The following SLC12A4 variants were observed in gnomAD, a reference collection of about 807,000 sequenced individuals.
The protein encoded by SLC12A4 is electroneutral potassium-chloride cotransporter 1.
Under a neutral mutation model 119.2 loss-of-function variants are expected in SLC12A4, and 84 were observed. The ratio of observed to expected loss-of-function variants is 0.70; its 90% CI spans 0.59 to 0.85. SLC12A4 has a LOEUF of 0.85. Among genes scored for constraint, SLC12A4 ranks in the 40% least tolerant of loss-of-function variants. The probability of loss-of-function intolerance (pLI) is 0.00; values close to 1 mark genes in which losing one functional copy is unlikely to be tolerated. For missense variants in SLC12A4, 1,298 were observed against 1,476.3 expected (o/e 0.88, Z 1.98); for synonymous variants, 599 against 604.6 (o/e 0.99, Z 0.14).
At chr16:67,945,630 C>T (rs1025417698) in intron 21 of SLC12A4, 77 bp from the exon 22 acceptor site, 11 of 1,538,340 alleles carry the variant, frequency 7.2e-6, no homozygotes, top group East Asian at 4.5e-5. Flanking sequence ...ATGTGACCAC[C>T]TTGCCTCCGG....
intron 1 of SLC12A4, chr16:67,963,839 G>A (rs967763542): frequency 6.7e-7 from 1 of 1,497,774 alleles, no homozygotes; most frequent in East Asian, 2.5e-5. Flanking sequence ...TGGACACTGA[G>A]GGACGGGGCC....
rs371066254 is a variant in SLC12A4 at position 67,952,161 on chromosome 16, A to G, written c.917+23T>C. ...TGGGAGGGATGTCCATGCAATGCCC[A>G]GATAAATTCCTGGGTTACTTACGGA... On this transcript the variant is annotated intron_variant, in intron 7 of 23. Transcript: ENST00000316341. 1.1e-4 allele frequency: 172 copies of G among 1,613,168 alleles called. 1 individual carries two copies. The highest frequency in any genetic ancestry group is 4.3e-4 in the South Asian group (39 of 91,076).
At chr16:67,958,070 G>T in intron 3 of SLC12A4, 26 bp from the exon 4 acceptor site, 1 of 1,608,454 alleles carries the variant, frequency 6.2e-7, no homozygotes, top group Non-Finnish European at 8.5e-7. Context: ...GGGAGGGGGC[G>T]AGTAGAGCAT....
In SLC12A4 at chr16:67,944,534, G is replaced by A; in HGVS notation, c.*306C>T. ...AAATATGCAATAAATAGCGCTCCTG[G>A]GCTGGGCCGGGCCGGCTGCCTTCAA... On this transcript the variant is annotated 3_prime_UTR_variant, in exon 24 of 24. Transcript: ENST00000316341. The surrounding 1 kb of genome is among the most constrained non-coding windows in gnomAD (Gnocchi z 6.6). The A allele has an allele frequency of 7.8e-7, 1 of 1,287,116 alleles. No homozygotes were observed. Among genetic ancestry groups the A allele is most frequent in the Non-Finnish European group, 9.8e-7 (1 of 1,016,390 alleles). The allele number at this position is 1,287,116 out of a possible 1,614,324, so 79.7% of individuals were successfully genotyped here. A position where few individuals can be genotyped will look rare whatever the true frequency, so the allele number is the denominator to read the frequency against.
chr16:67,966,977 C>T (rs939443037), intron 1 of SLC12A4: 2 of 1,170,834 alleles, frequency 1.7e-6, no homozygotes, highest in African/African-American at 3.2e-5. Flanking sequence ...GCCCACTGGT[C>T]CAGGCTGATC....
At chr16:67,967,806 T>C (rs1379594780) in intron 1 of SLC12A4, among the ~76,000 whole-genome samples, 1 of 151,878 alleles carries the variant, frequency 6.6e-6, no homozygotes, top group African/African-American at 2.4e-5. Flanking sequence ...ATCCCAAGGG[T>C]GATGCTGGAG....
chr16:67,945,806 C>A lies in SLC12A4; in HGVS notation c.2805G>T (p.Met935Ile). 1 of 1,613,914 alleles carries A rather than the reference C, an allele frequency of 6.2e-7. No homozygotes were observed. Among genetic ancestry groups the A allele is most frequent in the Non-Finnish European group, 8.5e-7 (1 of 1,180,038 alleles). ...RTLMMEQRSQMLRQMRLTKTE... is the reference protein window; with the variant it reads ...RTLMMEQRSQILRQMRLTKTE... The stretch of plus-strand genomic sequence containing the variant: ...TCTTGGTCAGTCTCATCTGCCGCAG[C>A]ATCTGCGACCGCTGCTCCATCATCA... The change falls in exon 21 of 24, where the codon ATG (methionine) becomes ATT (isoleucine). Residue 935 changes from methionine to isoleucine, a missense_variant. Transcript: ENST00000316341.
chr16:67,946,634 CT>C lies in SLC12A4; in HGVS notation c.2242-2del. Reference sequence around the variant, plus strand: ...CAATTTCCATCATGTTCTTGATGGTCTGTGGGGAACACACCCAGGGCCAATG... The same window carrying C: ...CAATTTCCATCATGTTCTTGATGGTCGTGGGGAACACACCCAGGGCCAATG... On this transcript the variant is annotated splice_acceptor_variant, in intron 17 of 23. Coordinates refer to ENST00000316341, the MANE Select transcript of SLC12A4 (RefSeq NM_005072.5). LOFTEE classifies it high-confidence loss of function. The C allele has an allele frequency of 1.2e-6, 2 of 1,608,366 alleles. No individual in the cohort carries two copies. The highest frequency in any genetic ancestry group is 1.7e-6 in the Non-Finnish European group (2 of 1,176,238).
At chr16:67,954,606 A>ACATGG in intron 6 of SLC12A4, 37 bp downstream of exon 6, 1 of 1,613,052 alleles carries the variant, frequency 6.2e-7, no homozygotes, top group Non-Finnish European at 8.5e-7. Context: ...GACTGTTTGG[A>ACATGG]CATGGCCAGA....
chr16:67,953,862 A>G (rs940343177), intron 6 of SLC12A4, among the ~76,000 whole-genome samples: 6 of 152,262 alleles, frequency 3.9e-5, no homozygotes, highest in Non-Finnish European at 1.5e-5. Flanking sequence ...CCATACAGAT[A>G]TAATGACATG....
intron 1 of SLC12A4, 29 bp from the exon 2 acceptor site, chr16:67,963,588 T>G: frequency 6.7e-7 from 1 of 1,495,088 alleles, no homozygotes; most frequent in Non-Finnish European, 9.0e-7. Context: ...AATCAGGGCC[T>G]GCTTCCTGAG....
In SLC12A4 at chr16:67,950,871, G is replaced by T; in HGVS notation, c.1396+91C>A. The T allele has an allele frequency of 6.9e-7, 1 of 1,450,196 alleles. No individual in the cohort carries two copies. The highest frequency in any genetic ancestry group is 9.6e-7 in the Non-Finnish European group (1 of 1,040,020). 89.8% of individuals were successfully genotyped at this position (1,450,196 alleles called of 1,614,324 possible). ...GAGAAGGGGAGCTATATATGAGTGT[G>T]TGGGGTGTCTGTGCATGTGACCTGG... On this transcript the variant is annotated intron_variant, in intron 10 of 23. Coordinates refer to ENST00000316341, the MANE Select transcript of SLC12A4 (RefSeq NM_005072.5). The surrounding 1 kb of genome is among the most constrained non-coding windows in gnomAD (Gnocchi z 4.3).
chr16:67,952,138 G>A, intron 7 of SLC12A4, 46 bp downstream of exon 7: 2 of 1,611,920 alleles, frequency 1.2e-6, no homozygotes, highest in Non-Finnish European at 1.7e-6. Context: ...TGGCTACATG[G>A]GAGGGATGTC....
chr16:67,967,342 C>T (rs868263079), intron 1 of SLC12A4, among the ~76,000 whole-genome samples: 7 of 152,198 alleles, frequency 4.6e-5, no homozygotes, highest in Non-Finnish European at 7.3e-5. Flanking sequence ...CCATCATGAT[C>T]GGTCACAGAT....
chr16:67,961,559 GC>G lies in SLC12A4; in HGVS notation c.342+15del. 1 of 1,610,576 alleles carries G rather than the reference GC, an allele frequency of 6.2e-7. No individual in the cohort carries two copies. Among genetic ancestry groups the G allele is most frequent in the Middle Eastern group, 1.7e-4 (1 of 6,036 alleles). On this transcript the variant is annotated intron_variant, in intron 3 of 23. Transcript: ENST00000316341. ...TCTTCCCAGGTGTGGCCCCTCTGCC[GC>G]CCCAACCAGCTCACCTCGGCTGCCC...
intron 1 of SLC12A4, among the ~76,000 whole-genome samples, chr16:67,966,131 G>A (rs547777025): frequency 1.3e-5 from 2 of 152,348 alleles, no homozygotes; most frequent in African/African-American, 4.8e-5. Context: ...CTCCCTGTGC[G>A]GCCTTGGTTT....
In SLC12A4 at chr16:67,952,393, G is replaced by A. The variant is rs2029969665; in HGVS notation, c.708C>T (p.Tyr236=). 6.2e-7 allele frequency: 1 copy of A among 1,614,150 alleles called. No individual in the cohort carries two copies. The highest frequency in any genetic ancestry group is 1.1e-5 in the South Asian group (1 of 91,084). ...TYIAPPAAIF[Y]PSGAHDTSNA... is the part of the protein sequence containing the mutation. The stretch of plus-strand genomic sequence containing the variant: ...TCGACGTGTCATGAGCACCCGATGG[G>A]TAAAAAATGGCAGCTGGTGGGGCAA... Residue 236 remains tyrosine, a synonymous_variant, in exon 7 of 24, where the codon TAC becomes TAT. Transcript: ENST00000316341.
Position 67,946,335 on chromosome 16 carries a change from C to T in SLC12A4, c.2443G>A (p.Val815Met), listed in dbSNP as rs781261547. 2.2e-5 allele frequency: 35 copies of T among 1,609,210 alleles called. No homozygotes were observed. The highest frequency in any genetic ancestry group is 3.3e-5 in the South Asian group (3 of 91,090). Reference sequence around the variant, plus strand: ...AGGTGGGCAGCCGTAGTGCAGCGCACGGTGTCTGGGGAGGAGGAGCACGGC... The same window carrying T: ...AGGTGGGCAGCCGTAGTGCAGCGCATGGTGTCTGGGGAGGAGGAGCACGGC... The part of the protein sequence containing the change: ...PRAWKTFIDT[V>M]RCTTAAHLAL... The change falls in exon 19 of 24, where the codon GTG (valine) becomes ATG (methionine). Residue 815 changes from valine (V) to methionine (M), a missense_variant. Transcript: ENST00000316341.
chr16:67,946,067 G>A lies in SLC12A4; in HGVS notation c.2623C>T (p.Arg875Trp), dbSNP rs776058654. 42 of 1,613,768 alleles carry A rather than the reference G, an allele frequency of 2.6e-5. No individual in the cohort carries two copies. In the Middle Eastern group the frequency reaches 4.9e-4, roughly 19 times the overall value. ...LRQHKVWRKC[R>W]MRIFTVAQMD... is the part of the protein sequence containing the mutation. ...TGGGCCACTGTGAAGATGCGCATCC[G>A]GCACTTCCTCCAGACCTGAGGCAAG... is the stretch of plus-strand genomic sequence containing the variant. Residue 875 changes from arginine (R) to tryptophan (W), a missense_variant, in exon 20 of 24, where the codon CGG becomes TGG. Arg to Trp is a moderately radical substitution (Grantham distance 101). Coordinates refer to ENST00000316341, the MANE Select transcript of SLC12A4 (RefSeq NM_005072.5).
Sources: gnomAD v4.1 joint callset for allele counts (sites outside exome capture counted in the v4.1 genomes callset) on GRCh38, gnomAD v4.1.1 for gene constraint, Gnocchi (gnomAD v3.1) non-coding constraint, MANE v1.5 for transcripts, NCBI Gene and HGNC (gene_info 2026-07-23, HGNC 2026-07-21) for gene names.